The following CAMKMT variants were observed in gnomAD, a reference collection of about 807,000 sequenced individuals.
CAMKMT encodes the protein CaM KMT.
In CAMKMT, 53 loss-of-function variants were observed where a neutral mutation model predicts 48.0. The ratio of observed to expected loss-of-function variants is 1.10; its 90% CI spans 0.89 to 1.39. The LOEUF (loss-of-function observed/expected upper bound fraction) is 1.39. Among genes scored for constraint, CAMKMT ranks in the 40% most tolerant of loss-of-function variants. The pLI is 0.00. For synonymous variants in CAMKMT, 165 were observed against 152.3 expected (o/e 1.08, Z -0.61); for missense variants, 428 against 402.7 (o/e 1.06, Z -0.54).
chr2:44,719,750 T>G (rs1488388007), intron 7 of CAMKMT, among the ~76,000 whole-genome samples: 1 of 152,168 alleles, frequency 6.6e-6, no homozygotes, highest in Non-Finnish European at 1.5e-5. Context: ...GTTGGCCTCT[T>G]CTCAGGCATG....
chr2:44,620,867 C>G (rs1340459998), intron 3 of CAMKMT, among the ~76,000 whole-genome samples: 1 of 152,206 alleles, frequency 6.6e-6, no homozygotes. Flanking sequence ...AGTTATTCAA[C>G]TCCTTTGTGC....
In CAMKMT at chr2:44,372,230, A is replaced by C. The variant is rs138939541; in HGVS notation, c.139-486A>C. On this transcript the variant is annotated intron_variant, in intron 1 of 10. Transcript: ENST00000378494. ...CCAAGTGCTGTGGCTCACTTCTGTAATCCCAGCACTTTGGGAGGCCAGGGT... is the reference window on the plus strand; with the variant it reads ...CCAAGTGCTGTGGCTCACTTCTGTACTCCCAGCACTTTGGGAGGCCAGGGT... Among the ~76,000 whole-genome samples the C allele has an allele frequency of 1.1e-3, 169 of 152,284 alleles. 2 individuals carry two copies. Among genetic ancestry groups the C allele is most frequent in the African/African-American group, 3.8e-3 (158 of 41,570 alleles).
At chr2:44,373,289 T>C (rs1679359835) in intron 2 of CAMKMT, among the ~76,000 whole-genome samples, 1 of 152,212 alleles carries the variant, frequency 6.6e-6, no homozygotes, top group Non-Finnish European at 1.5e-5. Flanking sequence ...TTTCCATTTA[T>C]TTATTTTTTT....
At chr2:44,494,071 GTTACA>G (rs1669640790) in intron 3 of CAMKMT, among the ~76,000 whole-genome samples, 1 of 152,160 alleles carries the variant, frequency 6.6e-6, no homozygotes, top group Non-Finnish European at 1.5e-5. Flanking sequence ...GAAGAAATGT[GTTACA>G]TTAAAGTGCA....
At chr2:44,479,851 G>A (rs976638027) in intron 3 of CAMKMT, among the ~76,000 whole-genome samples, 7 of 152,080 alleles carry the variant, frequency 4.6e-5, no homozygotes, top group African/African-American at 1.7e-4. Context: ...CCCCAAACAA[G>A]TATTGACAGC....
At chr2:44,632,707 A>G (rs953670661) in intron 3 of CAMKMT, among the ~76,000 whole-genome samples, 1 of 152,174 alleles carries the variant, frequency 6.6e-6, no homozygotes, top group Non-Finnish European at 1.5e-5. Flanking sequence ...GTGGGCTGGG[A>G]AAGGCAGACT....
chr2:44,378,848 T>G (rs1679960431), intron 2 of CAMKMT, among the ~76,000 whole-genome samples: 1 of 152,156 alleles, frequency 6.6e-6, no homozygotes, highest in Non-Finnish European at 1.5e-5. Context: ...TTCTGCAGCC[T>G]TTTAGGACCC....
rs1241528631 is a variant in CAMKMT, at chr2:44,608,649, A to ATC, written c.377-95624_377-95623dup. ...AGTTAAGTTTTCCTCCCTCTTGATT[A>ATC]TCTCTCTCTCTTTCTCTTTTTGACA... On this transcript the variant is annotated intron_variant, in intron 3 of 10. Transcript: ENST00000378494. Among the ~76,000 whole-genome samples, 4 of 151,956 alleles carry ATC rather than the reference A, an allele frequency of 2.6e-5. 1 individual carries two copies. In the East Asian group the frequency reaches 7.8e-4, roughly 29 times the overall value.
chr2:44,602,211 G>T (rs906325893), intron 3 of CAMKMT, among the ~76,000 whole-genome samples: 5 of 151,852 alleles, frequency 3.3e-5, no homozygotes, highest in African/African-American at 9.7e-5. Flanking sequence ...TCACCATGTT[G>T]CCCAGTCTCG....
At chr2:44,394,839 A>G (rs1449246799) in intron 3 of CAMKMT, 5 of 453,926 alleles carry the variant, frequency 1.1e-5, no homozygotes, top group Non-Finnish European at 2.2e-5. Flanking sequence ...TTGGGGTGGT[A>G]ATCAGTTATT....
chr2:44,716,386 G>A (rs1678176878), intron 7 of CAMKMT, among the ~76,000 whole-genome samples: 1 of 152,114 alleles, frequency 6.6e-6, no homozygotes, highest in African/African-American at 2.4e-5. Flanking sequence ...CATGAAAATA[G>A]CTACAATGCT....
In CAMKMT at chr2:44,536,658, A is replaced by T. The variant is rs143868763; in HGVS notation, c.376+146353A>T. 3.4e-3 allele frequency among the ~76,000 whole-genome samples: 516 copies of T among 152,214 alleles called. 3 individuals are homozygous for T. The highest frequency in any genetic ancestry group is 0.012 in the African/African-American group (479 of 41,524). ...CGTTATTTTTCGTAGAAATAGAAAA[A>T]ATAATCCCCAAATTTGTATGGAACC... On this transcript the variant is annotated intron_variant, in intron 3 of 10. Transcript: ENST00000378494.
At chr2:44,651,740 C>G (rs1157325545) in intron 3 of CAMKMT, among the ~76,000 whole-genome samples, 1 of 152,136 alleles carries the variant, frequency 6.6e-6, no homozygotes, top group Non-Finnish European at 1.5e-5. Flanking sequence ...ATTACGAATC[C>G]TTTTCCCAAC....
chr2:44,623,577 T>C (rs1225710289), intron 3 of CAMKMT, among the ~76,000 whole-genome samples: 1 of 152,206 alleles, frequency 6.6e-6, no homozygotes, highest in Admixed American at 6.5e-5. Flanking sequence ...ATTTATTGAA[T>C]AGGGAGTCTT....
intron 3 of CAMKMT, among the ~76,000 whole-genome samples, chr2:44,520,836 A>G (rs774915098): frequency 1.3e-5 from 2 of 152,084 alleles, no homozygotes; most frequent in Non-Finnish European, 2.9e-5. Context: ...GAGTCTTATG[A>G]GATCTGATGG....
intron 3 of CAMKMT, among the ~76,000 whole-genome samples, chr2:44,683,696 G>A (rs1006426552): frequency 6.6e-6 from 1 of 151,560 alleles, no homozygotes; most frequent in Non-Finnish European, 1.5e-5. Flanking sequence ...GGTGGCGGAC[G>A]CCTGTAGTCC....
chr2:44,486,679 A>G (rs1290691069), intron 3 of CAMKMT, among the ~76,000 whole-genome samples: 2 of 152,240 alleles, frequency 1.3e-5, no homozygotes, highest in African/African-American at 4.8e-5. Context: ...GCCATTGAGC[A>G]TATATGTTGC....
chr2:44,733,662 T>C (rs1679202056), intron 7 of CAMKMT, among the ~76,000 whole-genome samples: 2 of 152,202 alleles, frequency 1.3e-5, no homozygotes, highest in Admixed American at 1.3e-4. Flanking sequence ...CATTAATCTT[T>C]GTCAGAAGCA....
At chr2:44,394,941 T>G in intron 3 of CAMKMT, 2 of 455,204 alleles carry the variant, frequency 4.4e-6, no homozygotes, top group Non-Finnish European at 8.8e-6. Context: ...GGATGATTGC[T>G]TGAGCCCAAG....
Sources: allele counts gnomAD v4.1 joint callset (sites outside exome capture counted in the v4.1 genomes callset), GRCh38; gene constraint gnomAD v4.1.1; transcripts MANE v1.5; gene names NCBI Gene and HGNC (gene_info 2026-07-23, HGNC 2026-07-21).